Variants in ZNF717 observed in about 807,000 individuals in gnomAD.
ZNF717 encodes zinc finger protein 717, also known as krueppel-like factor X17.
A neutral mutation model predicts 13.8 loss-of-function variants in ZNF717; 9 were observed. The observed-to-expected ratio is 0.65, with a 90% CI of 0.39 to 1.14. The LOEUF is 1.14. Among genes scored for constraint, ZNF717 ranks in the 50% most tolerant of loss-of-function variants. The pLI, the probability that ZNF717 is intolerant of heterozygous loss-of-function variation, is 0.01. For missense variants in ZNF717, 1,040 were observed against 1,080.7 expected, an observed-to-expected ratio of 0.96 and a Z score of 0.53; for synonymous variants, 327 against 364.1, an observed-to-expected ratio of 0.90 and a Z score of 1.16.
chr3:75,718,826 A>T (rs1249652540), intron 4 of ZNF717, among the ~76,000 whole-genome samples: 2 of 152,148 alleles, frequency 1.3e-5, no homozygotes, highest in East Asian at 3.9e-4. Flanking sequence ...TCACCTCCTG[A>T]TGTGCAGCCC....
chr3:75,776,970 G>T lies in ZNF717; in HGVS notation c.57+6336C>A, dbSNP rs187759394. 4.6e-3 allele frequency among the ~76,000 whole-genome samples: 707 copies of T among 152,256 alleles called. 4 individuals are homozygous for T. The highest frequency in any genetic ancestry group is 7.6e-3 in the Admixed American group (116 of 15,294). On this transcript the variant is annotated intron_variant, in intron 2 of 4. Coordinates refer to ENST00000652011, the MANE Select transcript of ZNF717 (RefSeq NM_001290208.3). ...TTCTTTAATCTATTTGATTTTAGGTGGTTTGATTTACAGGGACCCTGAGTA... is the reference window on the plus strand; with the variant it reads ...TTCTTTAATCTATTTGATTTTAGGTTGTTTGATTTACAGGGACCCTGAGTA...
downstream of ZNF717, among the ~76,000 whole-genome samples, chr3:75,732,404 CA>C (rs1938645168): frequency 6.6e-6 from 1 of 152,266 alleles, no homozygotes; most frequent in African/African-American, 2.4e-5. Context: ...TCTTCTGCTA[CA>C]GTCTGAATAT....
chr3:75,781,108 T>C (rs1351391108), intron 2 of ZNF717, among the ~76,000 whole-genome samples: 1 of 152,256 alleles, frequency 6.6e-6, no homozygotes, highest in African/African-American at 2.4e-5. Context: ...TGAGAAGGAC[T>C]CCATAATTCT....
At chr3:75,750,300 T>TACA (rs1941629660) in intron 2 of ZNF717, among the ~76,000 whole-genome samples, 1 of 149,514 alleles carries the variant, frequency 6.7e-6, no homozygotes, top group Non-Finnish European at 1.5e-5. Context: ...GCTATGAGGG[T>TACA]CTGAATGTTT....
chr3:75,748,824 T>C (rs1941411321), intron 2 of ZNF717, among the ~76,000 whole-genome samples: 7 of 152,108 alleles, frequency 4.6e-5, no homozygotes, highest in Admixed American at 3.9e-4. Context: ...CAACATAGGG[T>C]TGGAAGTTCT....
downstream of ZNF717, among the ~76,000 whole-genome samples, chr3:75,708,798 T>G (rs78389291): frequency 6.6e-6 from 1 of 152,204 alleles, no homozygotes; most frequent in Non-Finnish European, 1.5e-5. Context: ...TGAGGCTGAG[T>G]TATTTATAAA....
At chr3:75,751,756 ATAGGATTCCAGAACAATGC>A (rs1261365616) in intron 2 of ZNF717, among the ~76,000 whole-genome samples, 4 of 151,636 alleles carry the variant, frequency 2.6e-5, no homozygotes, top group Non-Finnish European at 5.9e-5. Flanking sequence ...TGTCCCTCAC[ATAGGATTCCAGAACAATGC>A]TATGACTGTA....
intron 2 of ZNF717, among the ~76,000 whole-genome samples, chr3:75,763,025 C>T (rs1251153270): frequency 6.6e-6 from 1 of 152,136 alleles, no homozygotes; most frequent in East Asian, 1.9e-4. Flanking sequence ...TACCTTACAC[C>T]ACGTTAAAAT....
chr3:75,728,714 G>T (rs1383057398), downstream of ZNF717, among the ~76,000 whole-genome samples: 1 of 152,226 alleles, frequency 6.6e-6, no homozygotes, highest in African/African-American at 2.4e-5. Flanking sequence ...ATTATTGTAA[G>T]TTTCCTGAGG....
chr3:75,757,301 G>C (rs544884042), intron 2 of ZNF717, among the ~76,000 whole-genome samples: 1 of 152,300 alleles, frequency 6.6e-6, no homozygotes, highest in East Asian at 1.9e-4. Flanking sequence ...TTTGTTAAGG[G>C]CTAATGCATC....
intron 5 of ZNF717, among the ~76,000 whole-genome samples, chr3:75,712,307 A>G (rs1280737479): frequency 2.0e-5 from 3 of 152,226 alleles, no homozygotes; most frequent in African/African-American, 7.2e-5. Flanking sequence ...CAGAATTAAA[A>G]CTCAAAACCT....
At chr3:75,779,521 C>G (rs557342660) in intron 2 of ZNF717, among the ~76,000 whole-genome samples, 6 of 151,790 alleles carry the variant, frequency 4.0e-5, no homozygotes, top group South Asian at 2.1e-4. Flanking sequence ...AAACCAGAAC[C>G]CAAAACAATG....
intron 4 of ZNF717, among the ~76,000 whole-genome samples, chr3:75,719,382 C>T (rs80056617): frequency 6.6e-6 from 1 of 151,946 alleles, no homozygotes; most frequent in Non-Finnish European, 1.5e-5. Context: ...TAATGTATAA[C>T]CTAGCAAAAT....
intron 2 of ZNF717, among the ~76,000 whole-genome samples, chr3:75,743,634 A>G (rs1271099771): frequency 1.3e-5 from 2 of 152,250 alleles, no homozygotes; most frequent in Non-Finnish European, 2.9e-5. Flanking sequence ...GTAAAGAGGA[A>G]GACAGATGAC....
intron 2 of ZNF717, among the ~76,000 whole-genome samples, chr3:75,756,348 C>A (rs199593293): frequency 0.058 from 5,155 of 88,394 alleles, no homozygotes; most frequent in Middle Eastern, 0.087. Flanking sequence ...CAATTAATAA[C>A]CCTACAATAG....
At chr3:75,766,309 A>C (rs923276204) in intron 2 of ZNF717, among the ~76,000 whole-genome samples, 3 of 152,200 alleles carry the variant, frequency 2.0e-5, no homozygotes, top group Admixed American at 6.5e-5. Context: ...ACTATGAGAA[A>C]AAATATGCTA....
chr3:75,731,135 G>A (rs1194470240), downstream of ZNF717, among the ~76,000 whole-genome samples: 8 of 152,060 alleles, frequency 5.3e-5, no homozygotes, highest in South Asian at 2.1e-4. Flanking sequence ...CCAGCACTTC[G>A]GGAGCTTGAG....
chr3:75,777,028 A>C (rs551072922), intron 2 of ZNF717, among the ~76,000 whole-genome samples: 165 of 152,334 alleles, frequency 1.1e-3, no homozygotes, highest in African/African-American at 3.6e-3. Context: ...GTGATATCCC[A>C]GTAGTCGTAA....
At chr3:75,735,127 T>C (rs1939002778), downstream of ZNF717, among the ~76,000 whole-genome samples, 1 of 152,200 alleles carries the variant, frequency 6.6e-6, no homozygotes, top group African/African-American at 2.4e-5. Context: ...ACCCAGCCAA[T>C]TACATACTTT....
Sources: gnomAD v4.1 joint callset for allele counts (sites outside exome capture counted in the v4.1 genomes callset) on GRCh38, gnomAD v4.1.1 for gene constraint, MANE v1.5 for transcripts, NCBI Gene and HGNC (gene_info 2026-07-23, HGNC 2026-07-21) for gene names.